Variants in DNAI4 observed in about 807,000 individuals in gnomAD.
DNAI4 encodes the protein WD repeat domain 78.
DNAI4 carries 85 observed loss-of-function variants against 105.8 expected under a neutral mutation model. The ratio of observed to expected loss-of-function variants is 0.80; its 90% CI spans 0.67 to 0.96. The LOEUF (loss-of-function observed/expected upper bound fraction) is 0.96, where lower values mean the gene tolerates loss of function less well. Ranked by LOEUF, DNAI4 falls within the 40% of genes least tolerant of loss-of-function variation. The pLI is 0.00. For synonymous variants in DNAI4, 352 were observed against 331.5 expected (o/e 1.06, Z -0.67); for missense variants, 1,014 against 1,005.6 (o/e 1.01, Z -0.11).
chr1:66,835,177 T>G (rs989559460), intron 11 of DNAI4, among the ~76,000 whole-genome samples: 4 of 151,080 alleles, frequency 2.6e-5, no homozygotes, highest in African/African-American at 9.7e-5. Flanking sequence ...CTCAAGGAAC[T>G]TATACCCTCC....
At chr1:66,873,830 C>T (rs1178937542) in intron 5 of DNAI4, among the ~76,000 whole-genome samples, 2 of 150,240 alleles carry the variant, frequency 1.3e-5, no homozygotes, top group African/African-American at 4.9e-5. Flanking sequence ...AATTATCTGT[C>T]CCTTTCTTTT....
chr1:66,843,052 T>C (rs534853683), intron 8 of DNAI4, among the ~76,000 whole-genome samples: 3 of 151,818 alleles, frequency 2.0e-5, no homozygotes, highest in Middle Eastern at 3.4e-3. Flanking sequence ...TTTAAAAAAT[T>C]AGCTGGGTGT....
intron 5 of DNAI4, among the ~76,000 whole-genome samples, chr1:66,871,878 G>C (rs1646854203): frequency 6.6e-6 from 1 of 152,168 alleles, no homozygotes; most frequent in South Asian, 2.1e-4. Flanking sequence ...GTCTGTTTTA[G>C]TTGAGATTTA....
In DNAI4 at chr1:66,891,731, T is replaced by A. The variant is rs903108078; in HGVS notation, c.531-465A>T. Among the ~76,000 whole-genome samples the A allele has an allele frequency of 2.6e-5, 4 of 152,360 alleles. No individual in the cohort carries two copies. In the South Asian group the frequency reaches 8.3e-4, roughly 32 times the overall value. ...TGCCCACCTCGGCCTCCCAAAGTGC[T>A]GTGATTACAGGCGTGAACCACCGCA... On this transcript the variant is annotated intron_variant, in intron 3 of 16. Coordinates refer to ENST00000371026, the MANE Select transcript of DNAI4 (RefSeq NM_024763.5).
At chr1:66,884,363 T>A (rs1647147346) in intron 4 of DNAI4, among the ~76,000 whole-genome samples, 1 of 152,176 alleles carries the variant, frequency 6.6e-6, no homozygotes, top group African/African-American at 2.4e-5. Context: ...GATCTTATGG[T>A]AATTCTATTT....
Position 66,840,680 on chromosome 1 carries a change from T to C in DNAI4, c.1292-9A>G. The C allele has an allele frequency of 6.2e-7, 1 of 1,613,806 alleles. No homozygotes were observed. The highest frequency in any genetic ancestry group is 8.5e-7 in the Non-Finnish European group (1 of 1,179,926). On this transcript the variant is annotated splice_polypyrimidine_tract_variant and intron_variant, in intron 8 of 16. Coordinates refer to ENST00000371026, the MANE Select transcript of DNAI4 (RefSeq NM_024763.5). Reference sequence around the variant, plus strand: ...CTCTTCAGGTTCAGGTTCTAAAGTTTAAACAAATAAAAAGATCATTGTCCT... The same window carrying C: ...CTCTTCAGGTTCAGGTTCTAAAGTTCAAACAAATAAAAAGATCATTGTCCT...
chr1:66,913,357 T>C (rs534230940), intron 1 of DNAI4, among the ~76,000 whole-genome samples: 3 of 152,328 alleles, frequency 2.0e-5, no homozygotes, highest in Admixed American at 6.5e-5. Context: ...CTACAAAGTC[T>C]TTATTGCTTT....
Position 66,924,649 on chromosome 1 carries a change from C to A in DNAI4, c.170+13G>T. On this transcript the variant is annotated intron_variant, in intron 1 of 16. Transcript: ENST00000371026. ...CAGGGGGATGGACTACGGTTTTTAG[C>A]GCCGGAACTTACAACCCGAAGTTCT... 6.2e-7 allele frequency: 1 copy of A among 1,614,204 alleles called. No individual in the cohort carries two copies.
In DNAI4 at chr1:66,817,391, G is replaced by A. The variant is rs185749134; in HGVS notation, c.2497-3211C>T. Among the ~76,000 whole-genome samples, 169 of 152,114 alleles carry A rather than the reference G, an allele frequency of 1.1e-3. 1 individual carries two copies. Among genetic ancestry groups the A allele is most frequent in the African/African-American group, 3.9e-3 (162 of 41,496 alleles). On this transcript the variant is annotated intron_variant, in intron 16 of 16. Transcript: ENST00000371026. Reference sequence around the variant, plus strand: ...AGTTCGAGATGAGTCTGGATAACACGGCAAAACCCCATCTCTACAAAATAT... The same window carrying A: ...AGTTCGAGATGAGTCTGGATAACACAGCAAAACCCCATCTCTACAAAATAT...
intron 1 of DNAI4, among the ~76,000 whole-genome samples, chr1:66,918,377 A>C (rs2100895370): frequency 6.6e-6 from 1 of 152,324 alleles, no homozygotes; most frequent in Admixed American, 6.5e-5. Flanking sequence ...CTTGGCCACA[A>C]GTCTTCAAAA....
intron 10 of DNAI4, among the ~76,000 whole-genome samples, chr1:66,836,679 C>T (rs889459877): frequency 1.3e-5 from 2 of 152,176 alleles, no homozygotes; most frequent in African/African-American, 2.4e-5. Context: ...CAATGTCAAT[C>T]CCTCCACATT....
intron 6 of DNAI4, chr1:66,870,999 G>A: frequency 1.1e-5 from 2 of 184,532 alleles, no homozygotes; most frequent in Non-Finnish European, 2.2e-5. Context: ...TAGGGTTGCT[G>A]TAAAAATTAA....
intron 4 of DNAI4, among the ~76,000 whole-genome samples, chr1:66,888,229 C>A (rs1013610338): frequency 6.6e-6 from 1 of 152,002 alleles, no homozygotes; most frequent in Non-Finnish European, 1.5e-5. Context: ...TATTGCAATT[C>A]AATTGACCTG....
chr1:66,896,494 C>T (rs1648350764), intron 2 of DNAI4, among the ~76,000 whole-genome samples: 2 of 152,138 alleles, frequency 1.3e-5, no homozygotes, highest in Non-Finnish European at 2.9e-5. Context: ...CAAAAGTTCA[C>T]GTGTTGGAAA....
At chr1:66,861,407 A>G (rs1266730985) in intron 7 of DNAI4, among the ~76,000 whole-genome samples, 1 of 152,236 alleles carries the variant, frequency 6.6e-6, no homozygotes, top group Non-Finnish European at 1.5e-5. Flanking sequence ...TAGGAAAAGT[A>G]AAAGTAGATA....
intron 2 of DNAI4, among the ~76,000 whole-genome samples, chr1:66,899,759 A>C (rs1173224371): frequency 1.3e-5 from 2 of 152,192 alleles, no homozygotes; most frequent in Non-Finnish European, 2.9e-5. Context: ...TAAGGGTCTA[A>C]GTTCATTCTT....
At chr1:66,835,871 G>A (rs953200259) in intron 10 of DNAI4, 94 bp from the exon 11 acceptor site, 3 of 1,117,122 alleles carry the variant, frequency 2.7e-6, no homozygotes, top group African/African-American at 3.1e-5. Context: ...GTGGCAGTGG[G>A]TATGTGAGCA....
chr1:66,880,954 A>G (rs1402168784), intron 4 of DNAI4, among the ~76,000 whole-genome samples: 29 of 152,106 alleles, frequency 1.9e-4, no homozygotes, highest in Admixed American at 1.8e-3. Context: ...CATCCCAGCC[A>G]CTCCAGCCGT....
At chr1:66,866,384 T>G (rs917443140) in intron 6 of DNAI4, among the ~76,000 whole-genome samples, 1 of 152,012 alleles carries the variant, frequency 6.6e-6, no homozygotes, top group Non-Finnish European at 1.5e-5. Context: ...TGTACCTAAG[T>G]ATTCTGTCCT....
Sources: gnomAD v4.1 joint callset for allele counts (sites outside exome capture counted in the v4.1 genomes callset) on GRCh38, gnomAD v4.1.1 for gene constraint, MANE v1.5 for transcripts, NCBI Gene and HGNC (gene_info 2026-07-23, HGNC 2026-07-21) for gene names.